ELK3: variants seen among roughly 807,000 people sequenced by gnomAD.
ELK3 encodes the protein ETS domain-containing protein Elk-3.
In ELK3, 10 loss-of-function variants were observed where a neutral mutation model predicts 28.9. That is an observed-to-expected ratio of 0.35 (90% confidence interval 0.21 to 0.59). The LOEUF is 0.59. Among genes scored for constraint, ELK3 ranks in the 20% least tolerant of loss-of-function variants. The pLI is 0.82. For synonymous variants in ELK3, 272 were observed against 243.5 expected, an observed-to-expected ratio of 1.12 and a Z score of -1.09; for missense variants, 463 against 517.3, an observed-to-expected ratio of 0.90 and a Z score of 1.02.
intron 4 of ELK3, among the ~76,000 whole-genome samples, chr12:96,261,466 C>G (rs1011057271): frequency 6.6e-6 from 1 of 152,106 alleles, no homozygotes; most frequent in Non-Finnish European, 1.5e-5. Flanking sequence ...GATAAAAACA[C>G]CTCATTTCCT....
chr12:96,220,905 CG>C (rs1346574733), intron 1 of ELK3, among the ~76,000 whole-genome samples: 4 of 152,080 alleles, frequency 2.6e-5, no homozygotes, highest in African/African-American at 9.7e-5. Flanking sequence ...AGATGATGGG[CG>C]GGTGGGGCTT....
At position 96,216,982 on chromosome 12, in the gene ELK3, C is replaced by T. The variant is rs187337583; in HGVS notation, c.-2-6583C>T. On this transcript the variant is annotated intron_variant, in intron 1 of 4. Coordinates refer to ENST00000228741, the MANE Select transcript of ELK3 (RefSeq NM_005230.4). ...TAGAAAATAGCTAAACAGCTGGATGCGATGGCTCATGCCTGTAATCCCAGC... is the reference window on the plus strand; with the variant it reads ...TAGAAAATAGCTAAACAGCTGGATGTGATGGCTCATGCCTGTAATCCCAGC... Among the ~76,000 whole-genome samples, 587 of 152,320 alleles carry T rather than the reference C, an allele frequency of 3.9e-3. 3 individuals carry two copies. The highest frequency in any genetic ancestry group is 6.7e-3 in the Admixed American group (102 of 15,296).
chr12:96,249,582 C>T (rs1951887881), intron 3 of ELK3, among the ~76,000 whole-genome samples: 1 of 152,172 alleles, frequency 6.6e-6, no homozygotes, highest in Admixed American at 6.5e-5. Flanking sequence ...CTGAGCATCT[C>T]CTCCCCTGGC....
At chr12:96,199,791 T>C (rs1819452648) in intron 1 of ELK3, among the ~76,000 whole-genome samples, 2 of 152,210 alleles carry the variant, frequency 1.3e-5, no homozygotes, top group South Asian at 2.1e-4. Flanking sequence ...TCCTGGAAAG[T>C]ACTACTTTTT....
At chr12:96,234,488 C>T (rs1463032232) in intron 2 of ELK3, among the ~76,000 whole-genome samples, 1 of 152,106 alleles carries the variant, frequency 6.6e-6, no homozygotes, top group Non-Finnish European at 1.5e-5. Flanking sequence ...GCATAGCACC[C>T]ACCACCCGCC....
chr12:96,196,701 G>A (rs1951470861), intron 1 of ELK3, among the ~76,000 whole-genome samples: 1 of 150,752 alleles, frequency 6.6e-6, no homozygotes, highest in African/African-American at 2.4e-5. Flanking sequence ...AAAAGTGATG[G>A]CCTTTCTATG....
chr12:96,253,807 T>C (rs1592689821), intron 3 of ELK3, among the ~76,000 whole-genome samples: 1 of 152,256 alleles, frequency 6.6e-6, no homozygotes, highest in East Asian at 1.9e-4. Context: ...ATGTTTATCA[T>C]GTATTCATTC....
intron 1 of ELK3, among the ~76,000 whole-genome samples, chr12:96,206,498 G>A (rs1382727302): frequency 6.6e-6 from 1 of 151,974 alleles, no homozygotes; most frequent in Non-Finnish European, 1.5e-5. Context: ...TGTATTTTTA[G>A]TAGAGATGTT....
Position 96,268,124 on chromosome 12 carries a change from A to G in ELK3, c.*944A>G, listed in dbSNP as rs1359587492. 6.6e-6 allele frequency: 1 copy of G among 152,252 alleles called. No individual in the cohort carries two copies. Among genetic ancestry groups the G allele is most frequent in the East Asian group, 1.9e-4 (1 of 5,208 alleles). The allele number at this position is 152,252 out of a possible 1,614,324, so 9.4% of individuals were successfully genotyped here. A position where few individuals can be genotyped will look rare whatever the true frequency, so the allele number is the denominator to read the frequency against. On this transcript the variant is annotated 3_prime_UTR_variant, in exon 5 of 5. Coordinates refer to ENST00000228741, the MANE Select transcript of ELK3 (RefSeq NM_005230.4). ...GGGTTCCCCTGGAACTATAATTAAC[A>G]TTTAAAAAATCTAATGCTTTAGAAG...
intron 4 of ELK3, among the ~76,000 whole-genome samples, chr12:96,262,699 G>A (rs981169953): frequency 6.6e-6 from 1 of 151,970 alleles, no homozygotes; most frequent in Non-Finnish European, 1.5e-5. Flanking sequence ...TTTTGAGAAC[G>A]GTAAACAACA....
intron 2 of ELK3, among the ~76,000 whole-genome samples, chr12:96,237,624 G>C (rs1210707261): frequency 2.0e-5 from 3 of 152,198 alleles, no homozygotes; most frequent in Non-Finnish European, 2.9e-5. Flanking sequence ...TGTATTCAGT[G>C]TTCACTGAAA....
intron 2 of ELK3, among the ~76,000 whole-genome samples, chr12:96,245,574 TCCTC>T (rs1951849579): frequency 6.6e-6 from 1 of 152,102 alleles, no homozygotes; most frequent in South Asian, 2.1e-4. Context: ...CTTTTTTTAA[TCCTC>T]ACTCATACCC....
At chr12:96,258,939 A>G (rs1419910201) in intron 3 of ELK3, among the ~76,000 whole-genome samples, 1 of 152,252 alleles carries the variant, frequency 6.6e-6, no homozygotes, top group East Asian at 1.9e-4. Flanking sequence ...AGGCTGCTAC[A>G]GGGTATTTTA....
At chr12:96,241,161 G>T (rs927216331) in intron 2 of ELK3, among the ~76,000 whole-genome samples, 20 of 152,318 alleles carry the variant, frequency 1.3e-4, no homozygotes, top group African/African-American at 4.8e-4. Flanking sequence ...GTGGAAAATT[G>T]TGTCTTTCAT....
At chr12:96,254,131 C>T (rs952679687) in intron 3 of ELK3, among the ~76,000 whole-genome samples, 1 of 152,144 alleles carries the variant, frequency 6.6e-6, no homozygotes, top group Non-Finnish European at 1.5e-5. Flanking sequence ...TCAAGACCAA[C>T]CTGGCCAACA....
intron 2 of ELK3, among the ~76,000 whole-genome samples, chr12:96,240,589 C>T (rs1270061632): frequency 2.6e-5 from 4 of 152,140 alleles, no homozygotes; most frequent in Non-Finnish European, 5.9e-5. Flanking sequence ...GGAAAGGTCC[C>T]CTGCTCTGTC....
At chr12:96,239,652 A>C (rs192940585) in intron 2 of ELK3, among the ~76,000 whole-genome samples, 1 of 152,140 alleles carries the variant, frequency 6.6e-6, no homozygotes, top group Non-Finnish European at 1.5e-5. Context: ...AAATAAATGC[A>C]TTGTCTCGTG....
intron 4 of ELK3, among the ~76,000 whole-genome samples, chr12:96,266,687 A>G (rs1265040906): frequency 6.6e-6 from 1 of 152,110 alleles, no homozygotes; most frequent in Non-Finnish European, 1.5e-5. Flanking sequence ...ACTCACATGT[A>G]AAGAGTCTAT....
At chr12:96,237,787 C>T (rs1951795088) in intron 2 of ELK3, among the ~76,000 whole-genome samples, 5 of 152,214 alleles carry the variant, frequency 3.3e-5, no homozygotes, top group South Asian at 2.1e-4. Flanking sequence ...AGCAAGACCC[C>T]ATCTCTAAAA....
Sources: allele counts gnomAD v4.1 joint callset (sites outside exome capture counted in the v4.1 genomes callset), GRCh38; gene constraint gnomAD v4.1.1; transcripts MANE v1.5; gene names NCBI Gene and HGNC (gene_info 2026-07-23, HGNC 2026-07-21).